Variants in RBM4B observed in about 807,000 individuals in gnomAD.
The protein encoded by RBM4B is RNA binding motif protein 4B, also known as RNA-binding protein 4B.
RBM4B carries 13 observed loss-of-function variants against 28.5 expected under a neutral mutation model. The observed-to-expected ratio is 0.46, with a 90% CI of 0.30 to 0.72. RBM4B has a LOEUF of 0.72. Ranked by LOEUF, RBM4B falls within the 30% of genes least tolerant of loss-of-function variation. The pLI is 0.09. For missense variants in RBM4B, 387 were observed against 477.6 expected (o/e 0.81, Z 1.77); for synonymous variants, 167 against 179.1 (o/e 0.93, Z 0.54).
At position 66,665,306 on chromosome 11, in the gene RBM4B, C is replaced by G. The variant is rs1939185670; in HGVS notation, c.*282G>C. 1 of 489,166 alleles carries G rather than the reference C, an allele frequency of 2.0e-6. No individual in the cohort carries two copies. The highest frequency in any genetic ancestry group is 3.7e-5 in the East Asian group (1 of 27,326). 30.3% of individuals were successfully genotyped at this position (489,166 alleles called of 1,614,324 possible). On this transcript the variant is annotated 3_prime_UTR_variant, in exon 4 of 4. Transcript: ENST00000310046. ...AGGGAAAGCAAGATAAGAGGGGTTC[C>G]ACTGCACAGGAAAAAGGGGATGCCA...
chr11:66,676,614 C>T (rs1279315877), intron 2 of RBM4B, 54 bp downstream of exon 2: 1 of 1,588,378 alleles, frequency 6.3e-7, no homozygotes, highest in East Asian at 2.2e-5. Flanking sequence ...GTGTTCTTGC[C>T]TGTTTTGAGC....
intron 2 of RBM4B, chr11:66,670,987 T>C (rs1373719300): frequency 1.4e-6 from 1 of 702,484 alleles, no homozygotes; most frequent in Non-Finnish European, 2.6e-6. Context: ...CACCATCCTG[T>C]TGGAAATAGC....
At chr11:66,668,421 G>T (rs1386679555) in intron 3 of RBM4B, 194 bp downstream of exon 3, 1 of 542,648 alleles carries the variant, frequency 1.8e-6, no homozygotes, top group African/African-American at 1.9e-5. Context: ...GTTGGTTGGA[G>T]TCATACACTA....
intron 2 of RBM4B, chr11:66,671,128 C>A: frequency 1.5e-6 from 1 of 661,280 alleles, no homozygotes. Flanking sequence ...CAGTTTCTAG[C>A]AGAAACAAAA....
At chr11:66,670,843 A>G (rs1365977471) in intron 2 of RBM4B, 5 of 688,706 alleles carry the variant, frequency 7.3e-6, no homozygotes, top group African/African-American at 3.6e-5. Flanking sequence ...CAGTCAGTAC[A>G]GATAAAAAGA....
At chr11:66,666,116 T>A in intron 3 of RBM4B, 1 of 788,774 alleles carries the variant, frequency 1.3e-6, no homozygotes, top group Non-Finnish European at 1.9e-6. Context: ...CATGTCACAC[T>A]GTCACAGAGT....
rs776961431 is a variant in RBM4B, at chr11:66,665,565, C to T, written c.*23G>A. On this transcript the variant is annotated 3_prime_UTR_variant, in exon 4 of 4. Coordinates refer to ENST00000310046, the MANE Select transcript of RBM4B (RefSeq NM_031492.4). ...ATGACCGCAGCCCGAGGGTTCAGTCCGCAATTATCCTACCTGAAAGAGAGC... is the reference window on the plus strand; with the variant it reads ...ATGACCGCAGCCCGAGGGTTCAGTCTGCAATTATCCTACCTGAAAGAGAGC... 8 of 1,534,082 alleles carry T rather than the reference C, an allele frequency of 5.2e-6. No individual in the cohort carries two copies. The highest frequency in any genetic ancestry group is 2.7e-5 in the African/African-American group (2 of 72,992).
chr11:66,677,197 C>T, intron 1 of RBM4B, 106 bp from the exon 2 acceptor site: 2 of 1,312,640 alleles, frequency 1.5e-6, no homozygotes, highest in Admixed American at 4.7e-5. Flanking sequence ...CTTCAAGACC[C>T]TCGTACAGAC....
intron 3 of RBM4B, chr11:66,666,550 C>T: frequency 2.1e-6 from 1 of 487,228 alleles, no homozygotes; most frequent in Non-Finnish European, 2.7e-6. Flanking sequence ...TGAACAACCA[C>T]TGCTTGCAGT....
intron 2 of RBM4B, chr11:66,670,933 G>T (rs1415702060): frequency 8.5e-6 from 6 of 702,552 alleles, no homozygotes; most frequent in Non-Finnish European, 1.3e-5. Flanking sequence ...CTCTTTAACA[G>T]ACCTTCTTCT....
chr11:66,673,651 G>A (rs1014104626), intron 2 of RBM4B, among the ~76,000 whole-genome samples: 33 of 152,094 alleles, frequency 2.2e-4, no homozygotes, highest in African/African-American at 7.7e-4. Flanking sequence ...TAGAGACAGG[G>A]TTTCACCATG....
At chr11:66,676,388 A>G (rs1356981021) in intron 2 of RBM4B, 1 of 556,238 alleles carries the variant, frequency 1.8e-6, no homozygotes, top group Non-Finnish European at 3.2e-6. Flanking sequence ...AGCAGATTAC[A>G]CTTCCAACAG....
Position 66,669,222 on chromosome 11 carries a change from C to T in RBM4B, c.482G>A (p.Gly161Asp). The change falls in exon 3 of 4, where the codon GGC becomes GAC. Residue 161 changes from glycine (G) to aspartate (D), a missense_variant. Coordinates refer to ENST00000310046, the MANE Select transcript of RBM4B (RefSeq NM_031492.4). Reference protein sequence around the residue: ...RTAPGMGDQSGCYRCGKEGHW... With the variant: ...RTAPGMGDQSDCYRCGKEGHW... ...CCCTTCTTTCCCACACCGATAGCAGCCACTCTGGTCTCCCATACCAGGGGC... is the reference window on the plus strand; with the variant it reads ...CCCTTCTTTCCCACACCGATAGCAGTCACTCTGGTCTCCCATACCAGGGGC... The T allele has an allele frequency of 6.2e-7, 1 of 1,614,202 alleles. No individual in the cohort carries two copies. Among genetic ancestry groups the T allele is most frequent in the Non-Finnish European group, 8.5e-7 (1 of 1,180,040 alleles).
intron 2 of RBM4B, among the ~76,000 whole-genome samples, chr11:66,675,293 G>A (rs1939602064): frequency 6.6e-6 from 1 of 152,222 alleles, no homozygotes; most frequent in South Asian, 2.1e-4. Context: ...GGGAGGTACA[G>A]TAGGGATCAT....
Position 66,677,038 on chromosome 11 carries a change from T to C in RBM4B, c.42A>G (p.Thr14=). The change falls in exon 2 of 4, where the codon ACA becomes ACG. Residue 14 remains threonine (T), a synonymous_variant. Transcript: ENST00000310046. The stretch of plus-strand genomic sequence containing the variant: ...CGAAGAGTGAGCGAATCTCCTGCTC[T>C]GTAGCCTCCCGGGGAAGGTTTCCGA... ...LFIGNLPREA[T]EQEIRSLFEQ... The C allele has an allele frequency of 6.2e-7, 1 of 1,614,160 alleles. No individual in the cohort carries two copies. Among genetic ancestry groups the C allele is most frequent in the Non-Finnish European group, 8.5e-7 (1 of 1,180,004 alleles).
intron 2 of RBM4B, among the ~76,000 whole-genome samples, chr11:66,672,505 T>TG (rs544414659): frequency 0.052 from 7,016 of 135,814 alleles, 254 homozygotes; most frequent in East Asian, 0.14. Context: ...TTAATTTTTT[T>TG]GGGGGGGGGG....
chr11:66,677,822 A>T lies in RBM4B; in HGVS notation c.-71T>A, dbSNP rs1450395791. 6.6e-6 allele frequency: 1 copy of T among 152,608 alleles called. No homozygotes were observed. Among genetic ancestry groups the T allele is most frequent in the Non-Finnish European group, 1.5e-5 (1 of 68,084 alleles). The allele number at this position is 152,608 out of a possible 1,614,324, so 9.5% of individuals were successfully genotyped here. ...TCAGAGAGAACCTTACAAAATGGCGACGGCCGCTCGAGCCTGGACGCGACC... is the reference window on the plus strand; with the variant it reads ...TCAGAGAGAACCTTACAAAATGGCGTCGGCCGCTCGAGCCTGGACGCGACC... On this transcript the variant is annotated 5_prime_UTR_variant, in exon 1 of 4. Coordinates refer to ENST00000310046, the MANE Select transcript of RBM4B (RefSeq NM_031492.4).
intron 2 of RBM4B, among the ~76,000 whole-genome samples, chr11:66,673,875 T>G (rs1939549448): frequency 6.6e-6 from 1 of 152,120 alleles, no homozygotes; most frequent in African/African-American, 2.4e-5. Flanking sequence ...CAACTTACTA[T>G]CCAGTGCTAA....
chr11:66,674,812 C>A (rs2135249369), intron 2 of RBM4B, among the ~76,000 whole-genome samples: 1 of 152,184 alleles, frequency 6.6e-6, no homozygotes, highest in Non-Finnish European at 1.5e-5. Flanking sequence ...TCAGGTGATC[C>A]ACCCGCCTTG....
Sources: gnomAD v4.1 joint callset for allele counts (sites outside exome capture counted in the v4.1 genomes callset) on GRCh38, gnomAD v4.1.1 for gene constraint, MANE v1.5 for transcripts, NCBI Gene and HGNC (gene_info 2026-07-23, HGNC 2026-07-21) for gene names.